DET1: variants seen among roughly 807,000 people sequenced by gnomAD.
DET1 encodes the protein DET1 partner of COP1 E3 ubiquitin ligase.
In DET1, 22 loss-of-function variants were observed where a neutral mutation model predicts 43.7. The ratio of observed to expected loss-of-function variants is 0.50; its 90% CI spans 0.36 to 0.72. The LOEUF (loss-of-function observed/expected upper bound fraction) is 0.72, where lower values mean the gene tolerates loss of function less well. DET1 is among the 30% of genes least tolerant of loss of function. The pLI is 0.00. For missense variants in DET1, 713 were observed against 713.3 expected, an observed-to-expected ratio of 1.00 and a Z score of 0.00; for synonymous variants, 315 against 266.2, an observed-to-expected ratio of 1.18 and a Z score of -1.79.
chr15:88,539,326 C>T (rs530594474), intron 1 of DET1, among the ~76,000 whole-genome samples: 146 of 151,846 alleles, frequency 9.6e-4, no homozygotes, highest in African/African-American at 3.4e-3. Flanking sequence ...GGACATAGCT[C>T]GATCCAAGCC....
Position 88,504,441 on chromosome 15 carries a change from T to C in DET1, c.*2066-454A>G, listed in dbSNP as rs925180937. ...GAGGCTGACTACCACAATCTGTCAC[T>C]CTAAGAACAAATTAAACCATGACAA... is the stretch of plus-strand genomic sequence containing the variant. On this transcript the variant is annotated intron_variant and NMD_transcript_variant, in intron 7 of 8. Transcript: ENST00000557842. This position sits in a 1 kb window ranked among gnomAD's most constrained non-coding sequence, Gnocchi z 4.7. The C allele has an allele frequency of 6.6e-6, 1 of 152,204 alleles. No homozygotes were observed. Among genetic ancestry groups the C allele is most frequent in the Non-Finnish European group, 1.5e-5 (1 of 68,032 alleles). The allele number at this position is 152,204 out of a possible 1,614,324, so 9.4% of individuals were successfully genotyped here.
chr15:88,520,947 T>C (rs1246731179), intron 3 of DET1, among the ~76,000 whole-genome samples: 1 of 152,148 alleles, frequency 6.6e-6, no homozygotes, highest in Admixed American at 6.5e-5. Context: ...CTGCCTACAT[T>C]CTACTCTTAA....
downstream of DET1, chr15:88,512,226 G>T (rs1233774732): frequency 2.5e-6 from 1 of 407,330 alleles, no homozygotes; most frequent in Non-Finnish European, 3.3e-6. Flanking sequence ...GGTACAGATG[G>T]GAGCATGCTT....
chr15:88,503,594 G>A (rs910122095), intron 8 of DET1: 15 of 152,148 alleles, frequency 9.9e-5, no homozygotes, highest in African/African-American at 3.6e-4. Flanking sequence ...CTACAAAATA[G>A]GAATACTGCA....
At chr15:88,517,152 C>G (rs1160972158) in intron 3 of DET1, among the ~76,000 whole-genome samples, 179 bp from the exon 4 acceptor site, 2 of 151,384 alleles carry the variant, frequency 1.3e-5, no homozygotes, top group African/African-American at 2.4e-5. Flanking sequence ...GCTACAAATA[C>G]TTTTAAAAAG....
intron 1 of DET1, chr15:88,546,275 C>T (rs960820161): frequency 1.3e-5 from 2 of 152,578 alleles, no homozygotes; most frequent in African/African-American, 4.8e-5. Flanking sequence ...CTTGCTGGGT[C>T]TCAGTTTCCC....
intron 3 of DET1, among the ~76,000 whole-genome samples, chr15:88,523,274 T>G (rs1011281090): frequency 6.6e-6 from 1 of 152,238 alleles, no homozygotes; most frequent in Admixed American, 6.5e-5. Context: ...GGTGACCATT[T>G]TTATTCTTGA....
rs1751961606 is a variant in DET1 at position 88,531,769 on chromosome 15, T to C, written c.-10-54A>G. On this transcript the variant is annotated intron_variant, in intron 1 of 4. Coordinates refer to ENST00000268148, the MANE Select transcript of DET1 (RefSeq NM_001144074.3). This position sits in a 1 kb window ranked among gnomAD's most constrained non-coding sequence, Gnocchi z 6.2. ...GAAAGTGAAACAGAATTTACCAAAA[T>C]ATAAATATATACAAGTGAAACAGAT... is the stretch of plus-strand genomic sequence containing the variant. The C allele has an allele frequency of 6.8e-7, 1 of 1,479,432 alleles. No individual in the cohort carries two copies. The highest frequency in any genetic ancestry group is 1.3e-5 in the South Asian group (1 of 76,072). 91.6% of individuals were successfully genotyped at this position (1,479,432 alleles called of 1,614,324 possible).
At chr15:88,511,905 C>T (rs2056206326), downstream of DET1, among the ~76,000 whole-genome samples, 2 of 152,262 alleles carry the variant, frequency 1.3e-5, no homozygotes, top group African/African-American at 4.8e-5. Flanking sequence ...TGGAACCCAA[C>T]ATTTCAAAGC....
chr15:88,530,950 A>G lies in DET1; in HGVS notation c.756T>C (p.Asp252=). Residue 252 remains aspartate, a synonymous_variant, in exon 2 of 5, where the codon GAT becomes GAC. Coordinates refer to ENST00000268148, the MANE Select transcript of DET1 (RefSeq NM_001144074.3). ...AGCAAAAGCGGCCAATGGTCCGCACATCAATGAAAGTGCCTTCAGGAGTCA... is the reference window on the plus strand; with the variant it reads ...AGCAAAAGCGGCCAATGGTCCGCACGTCAATGAAAGTGCCTTCAGGAGTCA... ...FQVTPEGTFI[D]VRTIGRFCYE... 1 of 1,614,040 alleles carries G rather than the reference A, an allele frequency of 6.2e-7. No homozygotes were observed. The highest frequency in any genetic ancestry group is 8.5e-7 in the Non-Finnish European group (1 of 1,179,898).
In DET1 at chr15:88,524,895, CTATG is replaced by C. The variant is rs568290778; in HGVS notation, c.1271+2700_1271+2703del. Among the ~76,000 whole-genome samples the C allele has an allele frequency of 1.3e-3, 194 of 152,230 alleles. 1 individual carries two copies. Among genetic ancestry groups the C allele is most frequent in the African/African-American group, 4.4e-3 (183 of 41,536 alleles). Reference sequence around the variant, plus strand: ...TGCTGACCTTCCCTCCACTATTGTCCTATGACCCTGCCAAATCCCCCTCTCCAAG... The same window carrying C: ...TGCTGACCTTCCCTCCACTATTGTCCACCCTGCCAAATCCCCCTCTCCAAG... On this transcript the variant is annotated intron_variant, in intron 3 of 4. Transcript: ENST00000268148.
intron 1 of DET1, among the ~76,000 whole-genome samples, chr15:88,535,252 C>T (rs1250517037): frequency 1.3e-5 from 2 of 152,052 alleles, no homozygotes; most frequent in Non-Finnish European, 2.9e-5. Flanking sequence ...CACTGATGGG[C>T]TCAAGGGCAG....
At chr15:88,511,764 G>T (rs1198386793), downstream of DET1, among the ~76,000 whole-genome samples, 1 of 152,196 alleles carries the variant, frequency 6.6e-6, no homozygotes, top group Admixed American at 6.5e-5. Context: ...ACTGAAATTA[G>T]ATGAACTGTT....
chr15:88,523,422 C>G (rs1333842224), intron 3 of DET1, among the ~76,000 whole-genome samples: 1 of 152,142 alleles, frequency 6.6e-6, no homozygotes, highest in Non-Finnish European at 1.5e-5. Flanking sequence ...CCCTCTCACT[C>G]TTGTCTCCCC....
In DET1 at chr15:88,512,641, T is replaced by A; in HGVS notation, c.*310A>T. On this transcript the variant is annotated 3_prime_UTR_variant, in exon 5 of 5. Transcript: ENST00000268148. ...AGAAGTGACATGAAGGGGATAAAAGTCTAATGCTTTCATCTTCACAGCAAT... is the reference window on the plus strand; with the variant it reads ...AGAAGTGACATGAAGGGGATAAAAGACTAATGCTTTCATCTTCACAGCAAT... The A allele has an allele frequency of 9.0e-7, 1 of 1,106,218 alleles. No individual in the cohort carries two copies. The highest frequency in any genetic ancestry group is 1.1e-6 in the Non-Finnish European group (1 of 907,222). The allele number at this position is 1,106,218 out of a possible 1,614,324, so 68.5% of individuals were successfully genotyped here.
Position 88,516,806 on chromosome 15 carries a change from T to G in DET1, c.1439A>C (p.Lys480Thr). Residue 480 changes from lysine (K) to threonine (T), a missense_variant, in exon 4 of 5, where the codon AAG becomes ACG. Lys to Thr is a moderately conservative substitution (Grantham distance 78, BLOSUM62 -1). Transcript: ENST00000268148. This position sits in a 1 kb window ranked among gnomAD's most constrained non-coding sequence, Gnocchi z 4.4. ...DKWVSVMERP[K>T]TCGDHPIRFY... ...CCTGATTGGGTGATCTCCACAAGTC[T>G]TGGGCCGCTCCATGACAGATACCCA... 1 of 1,599,012 alleles carries G rather than the reference T, an allele frequency of 6.3e-7. No individual in the cohort carries two copies. Among genetic ancestry groups the G allele is most frequent in the Non-Finnish European group, 8.5e-7 (1 of 1,174,604 alleles).
intron 7 of DET1, chr15:88,505,033 C>T (rs1236060420): frequency 2.0e-5 from 3 of 152,166 alleles, no homozygotes; most frequent in African/African-American, 7.2e-5. Flanking sequence ...ATTCAAAAAG[C>T]GCTTTTGGCC....
chr15:88,512,852 T>G lies in DET1; in HGVS notation c.*99A>C. On this transcript the variant is annotated 3_prime_UTR_variant, in exon 5 of 5. Coordinates refer to ENST00000268148, the MANE Select transcript of DET1 (RefSeq NM_001144074.3). ...CATCTGAGGTATAGCAGGCTGGAAC[T>G]AACAGAGCTAGTAGTCGGGAGCTTT... The G allele has an allele frequency of 6.6e-7, 1 of 1,521,460 alleles. No individual in the cohort carries two copies. Among genetic ancestry groups the G allele is most frequent in the Non-Finnish European group, 8.8e-7 (1 of 1,132,084 alleles). 94.2% of individuals were successfully genotyped at this position (1,521,460 alleles called of 1,614,324 possible). A position where few individuals can be genotyped will look rare whatever the true frequency, so the allele number is the denominator to read the frequency against.
intron 1 of DET1, among the ~76,000 whole-genome samples, chr15:88,535,992 T>G (rs1386702984): frequency 6.6e-6 from 1 of 152,112 alleles, no homozygotes; most frequent in Non-Finnish European, 1.5e-5. Flanking sequence ...CCCAGGCACA[T>G]CATAGCTAAA....
Sources: gnomAD v4.1 joint callset for allele counts (sites outside exome capture counted in the v4.1 genomes callset) on GRCh38, gnomAD v4.1.1 for gene constraint, Gnocchi (gnomAD v3.1) non-coding constraint, MANE v1.5 for transcripts, NCBI Gene and HGNC (gene_info 2026-07-23, HGNC 2026-07-21) for gene names.